The following ZC3H12B variants were observed in gnomAD, a reference collection of about 807,000 sequenced individuals.
ZC3H12B encodes zinc finger CCCH-type containing 12B, also known as probable ribonuclease ZC3H12B.
In ZC3H12B, 7 loss-of-function variants were observed where a neutral mutation model predicts 43.9. That is an observed-to-expected ratio of 0.16 (90% CI 0.09 to 0.30). ZC3H12B has a LOEUF of 0.30. ZC3H12B is among the 10% of genes least tolerant of loss of function. The probability of loss-of-function intolerance (pLI) is 1.00; values close to 1 mark genes in which losing one functional copy is unlikely to be tolerated. For synonymous variants in ZC3H12B, 222 were observed against 241.7 expected, an observed-to-expected ratio of 0.92 and a Z score of 0.76; for missense variants, 475 against 670.2, an observed-to-expected ratio of 0.71 and a Z score of 3.22.
the ZC3H12B span, among the ~76,000 whole-genome samples, chrX:65,157,816 C>T: frequency 9.3e-6 from 1 of 107,652 alleles, no homozygotes; most frequent in African/African-American, 3.4e-5. Flanking sequence ...GACATGTGCA[C>T]AATATGCAGG....
At chrX:65,192,511 G>C in the ZC3H12B span, among the ~76,000 whole-genome samples, 1 of 111,057 alleles carries the variant, frequency 9.0e-6, no homozygotes, top group African/African-American at 3.3e-5. Flanking sequence ...TTATTTTATT[G>C]AGGTATGTTT....
chrX:65,189,445 C>T, the ZC3H12B span, among the ~76,000 whole-genome samples: 12 of 102,741 alleles, frequency 1.2e-4, no homozygotes, highest in Admixed American at 1.3e-3. Flanking sequence ...TCTCCACATC[C>T]TCTCCAGCAC....
At chrX:65,435,644 G>GGATAGATA (rs34975614) in intron 3 of ZC3H12B, among the ~76,000 whole-genome samples, 4,173 of 94,338 alleles carry the variant, frequency 0.044, 96 homozygotes, top group East Asian at 0.066. Flanking sequence ...AGAACCAATA[G>GGATAGATA]GATAGATAGA....
At chrX:65,171,850 GA>G in the ZC3H12B span, among the ~76,000 whole-genome samples, 3 of 111,424 alleles carry the variant, frequency 2.7e-5, no homozygotes, top group Admixed American at 9.5e-5. Flanking sequence ...ACAAGTGTGG[GA>G]TATAATCTCC....
the ZC3H12B span, among the ~76,000 whole-genome samples, chrX:65,148,742 C>A: frequency 1.8e-5 from 2 of 111,824 alleles, no homozygotes; most frequent in Non-Finnish European, 3.8e-5. Flanking sequence ...TTTATTGCAT[C>A]TTTTCTTATT....
At chrX:65,049,406 G>A in the ZC3H12B span, among the ~76,000 whole-genome samples, 17 of 110,836 alleles carry the variant, frequency 1.5e-4, no homozygotes, top group Middle Eastern at 4.7e-3. Context: ...CAGTTTTTCC[G>A]GCACCATCTG....
chrX:65,205,345 G>A, the ZC3H12B span, among the ~76,000 whole-genome samples: 1 of 111,506 alleles, frequency 9.0e-6, no homozygotes, highest in Admixed American at 9.6e-5. Flanking sequence ...TTAAAGAGTT[G>A]TATGTTAATA....
chrX:65,150,452 G>A, the ZC3H12B span, among the ~76,000 whole-genome samples: 4 of 109,631 alleles, frequency 3.6e-5, no homozygotes, highest in African/African-American at 1.3e-4. Flanking sequence ...ATGGTGATTT[G>A]CTGCACCTAT....
At chrX:65,256,923 G>C in the ZC3H12B span, among the ~76,000 whole-genome samples, 1 of 112,278 alleles carries the variant, frequency 8.9e-6, no homozygotes, top group African/African-American at 3.2e-5. Context: ...ACACCAGTTA[G>C]AATGGCGATC....
chrX:65,054,251 T>G, the ZC3H12B span, among the ~76,000 whole-genome samples: 2 of 112,027 alleles, frequency 1.8e-5, no homozygotes, highest in East Asian at 5.6e-4. Flanking sequence ...GGTCTAACAT[T>G]CAGGTCTTTA....
chrX:65,396,686 G>T (rs2066702698), intron 2 of ZC3H12B, among the ~76,000 whole-genome samples: 1 of 110,542 alleles, frequency 9.0e-6, no homozygotes, highest in South Asian at 3.8e-4. Context: ...CTGTTGATTT[G>T]GGGTGGAGAG....
chrX:65,295,240 A>T, the ZC3H12B span, among the ~76,000 whole-genome samples: 1 of 111,641 alleles, frequency 9.0e-6, no homozygotes. Context: ...TTGGAAATCA[A>T]CTCCAAAATG....
At chrX:65,118,125 G>A in the ZC3H12B span, among the ~76,000 whole-genome samples, 1 of 111,180 alleles carries the variant, frequency 9.0e-6, no homozygotes, top group African/African-American at 3.3e-5. Context: ...TGATGGGGAT[G>A]GCATTGAATC....
the ZC3H12B span, among the ~76,000 whole-genome samples, chrX:65,268,584 G>T: frequency 8.9e-6 from 1 of 112,547 alleles, no homozygotes; most frequent in African/African-American, 3.2e-5. Context: ...CTTATGTCTA[G>T]CATGCAAGGC....
At chrX:65,150,962 A>G in the ZC3H12B span, among the ~76,000 whole-genome samples, 1 of 111,876 alleles carries the variant, frequency 8.9e-6, no homozygotes, top group Non-Finnish European at 1.9e-5. Flanking sequence ...ATGAGGTTTT[A>G]TTCTGATCTC....
the ZC3H12B span, among the ~76,000 whole-genome samples, chrX:65,161,942 G>A: frequency 8.9e-6 from 1 of 111,823 alleles, no homozygotes; most frequent in Non-Finnish European, 1.9e-5. Flanking sequence ...TCCTTCAGGA[G>A]TTCTTTTAGG....
At chrX:65,241,146 T>C in the ZC3H12B span, among the ~76,000 whole-genome samples, 12 of 112,312 alleles carry the variant, frequency 1.1e-4, no homozygotes, top group Non-Finnish European at 2.1e-4. Context: ...GCCAGCAGTC[T>C]GGAAAGGCTG....
the ZC3H12B span, among the ~76,000 whole-genome samples, chrX:65,268,330 C>T: frequency 9.0e-6 from 1 of 111,375 alleles, no homozygotes; most frequent in Non-Finnish European, 1.9e-5. Flanking sequence ...ACCAAATGTT[C>T]AAAGAAGAAT....
chrX:65,304,789 G>C, the ZC3H12B span, among the ~76,000 whole-genome samples: 1 of 111,162 alleles, frequency 9.0e-6, no homozygotes, highest in South Asian at 3.8e-4. Context: ...AAATTTATTA[G>C]GTGCGACACC....
Sources: allele counts gnomAD v4.1 joint callset (sites outside exome capture counted in the v4.1 genomes callset), GRCh38; gene constraint gnomAD v4.1.1; transcripts MANE v1.5; gene names NCBI Gene and HGNC (gene_info 2026-07-23, HGNC 2026-07-21).